RARB: variants seen among roughly 807,000 people sequenced by gnomAD.
RARB encodes the protein HBV-activated protein.
RARB carries 17 observed loss-of-function variants against 51.9 expected under a neutral mutation model. The observed-to-expected ratio is 0.33, with a 90% CI of 0.22 to 0.49. The LOEUF is 0.49. Among genes scored for constraint, RARB ranks in the 20% least tolerant of loss-of-function variants. The pLI is 0.99. For synonymous variants in RARB, 215 were observed against 195.4 expected, an observed-to-expected ratio of 1.10 and a Z score of -0.84; for missense variants, 369 against 550.8, an observed-to-expected ratio of 0.67 and a Z score of 3.30.
intron 5 of RARB, among the ~76,000 whole-genome samples, chr3:25,397,870 A>T (rs1707157521): frequency 7.8e-6 from 1 of 127,720 alleles, no homozygotes; most frequent in Non-Finnish European, 1.6e-5. Flanking sequence ...GTGAAAATGT[A>T]TGAGTTGTTT....
Position 24,840,742 on chromosome 3 carries a change from T to TAAAAAAAAAAAAAAAAAAAAAAAAA in RARB, c.-459+11340_-459+11364dup, listed in dbSNP as rs55771334. Reference sequence around the variant, plus strand: ...TTCTTTAGTTAGGCATGAGTAAGAGTAAAAAAAAAAAAAAAAAAAAAAAAA... The same window carrying TAAAAAAAAAAAAAAAAAAAAAAAAA: ...TTCTTTAGTTAGGCATGAGTAAGAGTAAAAAAAAAAAAAAAAAAAAAAAAAAAAAAAAAAAAAAAAAAAAAAAAAA... On this transcript the variant is annotated intron_variant, in intron 1 of 11. Coordinates refer to the RARB transcript ENST00000383772. Among the ~76,000 whole-genome samples the TAAAAAAAAAAAAAAAAAAAAAAAAA allele has an allele frequency of 5.7e-5, 4 of 70,340 alleles. 1 individual carries two copies. Among genetic ancestry groups the TAAAAAAAAAAAAAAAAAAAAAAAAA allele is most frequent in the Non-Finnish European group, 5.5e-5 (2 of 36,458 alleles). The allele number at this position is 70,340 out of a possible 152,430, so 46.1% of individuals were successfully genotyped here.
chr3:24,985,355 T>TG (rs1188421326), intron 2 of RARB, among the ~76,000 whole-genome samples: 2 of 151,838 alleles, frequency 1.3e-5, no homozygotes, highest in African/African-American at 4.8e-5. Flanking sequence ...TTTTGTTTTT[T>TG]TTTTTTTTTG....
At chr3:25,061,876 C>G (rs1215447929) in intron 3 of RARB, among the ~76,000 whole-genome samples, 1 of 151,512 alleles carries the variant, frequency 6.6e-6, no homozygotes, top group Non-Finnish European at 1.5e-5. Flanking sequence ...AGCATATACT[C>G]TAATAAAGTT....
At chr3:25,196,177 C>T (rs188957749) in intron 5 of RARB, among the ~76,000 whole-genome samples, 1 of 151,954 alleles carries the variant, frequency 6.6e-6, no homozygotes, top group Non-Finnish European at 1.5e-5. Context: ...CCCACTAATT[C>T]ATCATGTACA....
chr3:25,321,059 A>G (rs1704556060), intron 5 of RARB, among the ~76,000 whole-genome samples: 1 of 152,178 alleles, frequency 6.6e-6, no homozygotes, highest in Admixed American at 6.5e-5. Flanking sequence ...TTTTTTTCCA[A>G]GTGGTATAAC....
At chr3:25,562,052 C>G (rs1206625046) in intron 3 of RARB, among the ~76,000 whole-genome samples, 2 of 152,086 alleles carry the variant, frequency 1.3e-5, no homozygotes, top group Non-Finnish European at 2.9e-5. Context: ...TATGGGACCC[C>G]TATTTGAAGA....
At chr3:25,304,899 T>C (rs1011278697) in intron 5 of RARB, among the ~76,000 whole-genome samples, 1 of 152,194 alleles carries the variant, frequency 6.6e-6, no homozygotes, top group African/African-American at 2.4e-5. Flanking sequence ...TCCAGTGGTA[T>C]TTTTATTTAT....
At chr3:25,438,332 GATT>G (rs745346613) in intron 1 of RARB, among the ~76,000 whole-genome samples, 9,089 of 150,056 alleles carry the variant, frequency 0.061, 380 homozygotes, top group Middle Eastern at 0.12. Flanking sequence ...GGCCAGCCCA[GATT>G]CAATAACTAC....
intron 2 of RARB, among the ~76,000 whole-genome samples, chr3:25,048,342 ATTTATGT>A (rs1160359415): frequency 6.6e-6 from 1 of 152,166 alleles, no homozygotes; most frequent in East Asian, 1.9e-4. Flanking sequence ...CTATACCTTG[ATTTATGT>A]TTTGTGTAAA....
chr3:25,241,026 CCTTT>C (rs991071350), intron 5 of RARB, among the ~76,000 whole-genome samples: 4 of 152,098 alleles, frequency 2.6e-5, no homozygotes, highest in African/African-American at 9.7e-5. Context: ...GTCTGTTCAG[CCTTT>C]CTATTTCTTC....
At chr3:25,126,744 T>G (rs145276085) in intron 3 of RARB, among the ~76,000 whole-genome samples, 1 of 152,324 alleles carries the variant, frequency 6.6e-6, no homozygotes, top group African/African-American at 2.4e-5. Context: ...AACACCAGCT[T>G]TGTGTTTATA....
intron 5 of RARB, among the ~76,000 whole-genome samples, chr3:25,244,326 A>T (rs1702503574): frequency 7.9e-6 from 1 of 125,834 alleles, no homozygotes; most frequent in Non-Finnish European, 1.6e-5. Flanking sequence ...TTCTGCTCTG[A>T]TCTTAGTTGT....
intron 5 of RARB, among the ~76,000 whole-genome samples, chr3:25,292,754 G>T (rs980541683): frequency 1.3e-5 from 2 of 152,124 alleles, no homozygotes; most frequent in Non-Finnish European, 2.9e-5. Context: ...GGAAGAAAGA[G>T]CCCTGCGTTG....
intron 2 of RARB, among the ~76,000 whole-genome samples, chr3:25,474,896 C>T (rs1670035764): frequency 6.6e-6 from 1 of 152,062 alleles, no homozygotes; most frequent in South Asian, 2.1e-4. Flanking sequence ...CTAATTCTTG[C>T]CTGTTGACCA....
At chr3:25,350,725 G>A (rs1705540781) in intron 5 of RARB, among the ~76,000 whole-genome samples, 1 of 152,210 alleles carries the variant, frequency 6.6e-6, no homozygotes, top group Non-Finnish European at 1.5e-5. Context: ...TTTATTGCAT[G>A]AATGATTATA....
chr3:25,493,224 C>G (rs1199366825), intron 2 of RARB, among the ~76,000 whole-genome samples: 1 of 152,194 alleles, frequency 6.6e-6, no homozygotes, highest in Non-Finnish European at 1.5e-5. Context: ...CCCTCCCTCT[C>G]ACCCATTGTC....
intron 1 of RARB, among the ~76,000 whole-genome samples, chr3:25,454,735 A>C (rs1420924348): frequency 2.0e-5 from 3 of 152,204 alleles, no homozygotes; most frequent in Non-Finnish European, 2.9e-5. Flanking sequence ...TCTGCTACTT[A>C]ATCTAACCTT....
At position 25,428,323 on chromosome 3, in the gene RARB, G is replaced by C. The variant is rs1414494217; in HGVS notation, c.-409G>C. The C allele has an allele frequency of 3.7e-5, 46 of 1,245,804 alleles. No individual in the cohort carries two copies. The highest frequency in any genetic ancestry group is 4.2e-5 in the Non-Finnish European group (42 of 995,842). The allele number at this position is 1,245,804 out of a possible 1,614,324, so 77.2% of individuals were successfully genotyped here. A position where few individuals can be genotyped will look rare whatever the true frequency, so the allele number is the denominator to read the frequency against. Reference sequence around the variant, plus strand: ...CAGGAGGGTCTATTCTTTGCCAAAGGGGGGACCAGAATTCCCCCATGCGAG... The same window carrying C: ...CAGGAGGGTCTATTCTTTGCCAAAGCGGGGACCAGAATTCCCCCATGCGAG... On this transcript the variant is annotated 5_prime_UTR_variant, in exon 1 of 8. Transcript: ENST00000330688.
intron 2 of RARB, among the ~76,000 whole-genome samples, chr3:24,887,450 G>T (rs926155299): frequency 2.0e-5 from 3 of 152,194 alleles, no homozygotes; most frequent in African/African-American, 7.2e-5. Flanking sequence ...CTCCTTGAGA[G>T]TTACAGTATT....
Sources: gnomAD v4.1 joint callset for allele counts (sites outside exome capture counted in the v4.1 genomes callset) on GRCh38, gnomAD v4.1.1 for gene constraint, MANE v1.5 for transcripts, NCBI Gene and HGNC (gene_info 2026-07-23, HGNC 2026-07-21) for gene names.